Variants in DGKB observed in about 807,000 individuals in gnomAD.
DGKB encodes the protein diacylglycerol kinase beta.
Under a neutral mutation model 114.3 loss-of-function variants are expected in DGKB, and 67 were observed. The ratio of observed to expected loss-of-function variants is 0.59; its 90% CI spans 0.48 to 0.72. The LOEUF (loss-of-function observed/expected upper bound fraction) is 0.72, where lower values mean the gene tolerates loss of function less well. Ranked by LOEUF, DGKB falls within the 30% of genes least tolerant of loss-of-function variation. The pLI is 0.00. For synonymous variants in DGKB, 398 were observed against 323.1 expected (o/e 1.23, Z -2.49); for missense variants, 907 against 975.2 (o/e 0.93, Z 0.93).
intron 23 of DGKB, among the ~76,000 whole-genome samples, chr7:14,289,203 G>A (rs1801351742): frequency 6.6e-6 from 1 of 151,202 alleles, no homozygotes. Flanking sequence ...TTGAAATGTT[G>A]CATTGGTGAC....
chr7:14,209,415 C>A, intron 23 of DGKB: 2 of 469,828 alleles, frequency 4.3e-6, no homozygotes, highest in Non-Finnish European at 8.8e-6. Context: ...CATTTGGATG[C>A]CCTTTCTCCA....
intron 21 of DGKB, among the ~76,000 whole-genome samples, chr7:14,417,206 G>A (rs970722019): frequency 3.3e-5 from 5 of 151,844 alleles, no homozygotes; most frequent in African/African-American, 1.2e-4. Flanking sequence ...AAAGTTTTAG[G>A]CTTCTACATT....
chr7:14,391,457 G>A (rs1474355702), intron 21 of DGKB, among the ~76,000 whole-genome samples: 2 of 151,740 alleles, frequency 1.3e-5, no homozygotes, highest in East Asian at 1.9e-4. Flanking sequence ...TGAGGCAGGT[G>A]GATCGCTTGA....
chr7:14,956,193 A>T (rs1425349061), intron 1 of DGKB, among the ~76,000 whole-genome samples: 1 of 152,104 alleles, frequency 6.6e-6, no homozygotes, highest in African/African-American at 2.4e-5. Context: ...TAAAGTAACT[A>T]ACTGCCTTTT....
intron 23 of DGKB, among the ~76,000 whole-genome samples, chr7:14,295,403 A>G (rs1383641528): frequency 2.0e-5 from 3 of 152,084 alleles, no homozygotes; most frequent in African/African-American, 7.2e-5. Context: ...TTTAGTTCTT[A>G]AAGGAGCTTC....
At chr7:14,652,798 A>T (rs1170252648) in intron 13 of DGKB, among the ~76,000 whole-genome samples, 2 of 152,148 alleles carry the variant, frequency 1.3e-5, no homozygotes, top group East Asian at 3.9e-4. Flanking sequence ...AACTCAAACA[A>T]ATTCACAAGA....
At chr7:14,163,684 A>G (rs1283581338) in intron 25 of DGKB, among the ~76,000 whole-genome samples, 7 of 152,142 alleles carry the variant, frequency 4.6e-5, no homozygotes. Context: ...CAAATTATCA[A>G]CATTTAGGCT....
intron 25 of DGKB, among the ~76,000 whole-genome samples, chr7:14,162,637 A>G (rs549780053): frequency 6.6e-6 from 1 of 152,354 alleles, no homozygotes; most frequent in Admixed American, 6.5e-5. Flanking sequence ...ACTAATGACT[A>G]GATTAATTCA....
intron 23 of DGKB, among the ~76,000 whole-genome samples, chr7:14,253,057 G>T (rs1795465140): frequency 1.3e-5 from 2 of 150,746 alleles, no homozygotes; most frequent in South Asian, 4.2e-4. Flanking sequence ...TTTTTAGAGG[G>T]GGAGTCTCGC....
chr7:14,933,908 A>T (rs1785155664), intron 1 of DGKB, among the ~76,000 whole-genome samples: 1 of 152,190 alleles, frequency 6.6e-6, no homozygotes, highest in Non-Finnish European at 1.5e-5. Flanking sequence ...TATAGCACAT[A>T]AGCCAAGAAT....
At chr7:14,846,745 T>C (rs958581542) in intron 1 of DGKB, among the ~76,000 whole-genome samples, 2 of 152,218 alleles carry the variant, frequency 1.3e-5, no homozygotes, top group Non-Finnish European at 2.9e-5. Context: ...TTGCTTAGTT[T>C]GTAGCAGGAA....
intron 2 of DGKB, among the ~76,000 whole-genome samples, chr7:14,838,559 T>C (rs1352464366): frequency 1.3e-5 from 2 of 152,028 alleles, no homozygotes; most frequent in Non-Finnish European, 2.9e-5. Context: ...TCTCTGTCAG[T>C]TGTTGTATTT....
chr7:14,364,915 C>G (rs1264334655), intron 21 of DGKB, among the ~76,000 whole-genome samples: 1 of 151,934 alleles, frequency 6.6e-6, no homozygotes, highest in African/African-American at 2.4e-5. Context: ...CCAAAATTAT[C>G]ATATAGAAGG....
chr7:14,937,868 C>T (rs1220380527), intron 1 of DGKB, among the ~76,000 whole-genome samples: 2 of 152,146 alleles, frequency 1.3e-5, no homozygotes, highest in African/African-American at 2.4e-5. Flanking sequence ...ATAGTAAATA[C>T]ACTTCCTCTT....
intron 13 of DGKB, among the ~76,000 whole-genome samples, chr7:14,655,727 A>AT (rs1435752967): frequency 1.3e-5 from 2 of 151,592 alleles, no homozygotes; most frequent in African/African-American, 4.8e-5. Context: ...GGACGTTGTC[A>AT]TTTTTTGCAA....
intron 21 of DGKB, among the ~76,000 whole-genome samples, chr7:14,458,309 A>C (rs1406289463): frequency 6.6e-6 from 1 of 152,190 alleles, no homozygotes; most frequent in African/African-American, 2.4e-5. Context: ...TGTAACAATA[A>C]ATAAAATAAG....
intron 23 of DGKB, among the ~76,000 whole-genome samples, chr7:14,336,931 A>C (rs996926701): frequency 6.6e-6 from 1 of 151,890 alleles, no homozygotes; most frequent in Non-Finnish European, 1.5e-5. Flanking sequence ...AAGACATATC[A>C]AGTATTGAGA....
chr7:14,250,068 C>A (rs1050570132), intron 23 of DGKB, among the ~76,000 whole-genome samples: 2 of 151,748 alleles, frequency 1.3e-5, no homozygotes, highest in Middle Eastern at 3.4e-3. Context: ...GATCCTCCTG[C>A]CTCAGCCTCC....
At chr7:14,210,105 A>C (rs1787515158) in intron 23 of DGKB, among the ~76,000 whole-genome samples, 1 of 152,108 alleles carries the variant, frequency 6.6e-6, no homozygotes, top group African/African-American at 2.4e-5. Context: ...TAACACCTCC[A>C]GTGCCAGGTG....
Sources: allele counts gnomAD v4.1 joint callset (sites outside exome capture counted in the v4.1 genomes callset), GRCh38; gene constraint gnomAD v4.1.1; transcripts MANE v1.5; gene names NCBI Gene and HGNC (gene_info 2026-07-23, HGNC 2026-07-21).